Variants in MUC4 observed in about 807,000 individuals in gnomAD.
MUC4 encodes mucin 4, cell surface associated, also known as mucin-4.
MUC4 carries 202 observed loss-of-function variants against 257.9 expected under a neutral mutation model. The ratio of observed to expected loss-of-function variants is 0.78; its 90% CI spans 0.70 to 0.88. The LOEUF (loss-of-function observed/expected upper bound fraction) is 0.88. Among genes scored for constraint, MUC4 ranks in the 40% least tolerant of loss-of-function variants. The pLI is 0.00. For missense variants in MUC4, 5,976 were observed against 6,513.7 expected (o/e 0.92, Z 2.84); for synonymous variants, 2,351 against 2,757.1 (o/e 0.85, Z 4.62).
intron 16 of MUC4, 65 bp from the exon 17 acceptor site, chr3:195,759,326 T>C: frequency 6.3e-7 from 1 of 1,581,958 alleles, no homozygotes; most frequent in Non-Finnish European, 8.6e-7. Context: ...CAGCCTCCTC[T>C]CTTTCTCAAC....
At position 195,788,085 on chromosome 3, in the gene MUC4, C is replaced by G. The variant is rs201497377; in HGVS notation, c.3495G>C (p.Gln1165His). ...VTDASSASTG[Q>H]ATPLPVTSLS... The stretch of plus-strand genomic sequence containing the variant: ...GGCTGGTGACAGGAAGAGGGGTGGC[C>G]TGACCTGTGGATGCTGAGGAAGCAT... Residue 1165 changes from glutamine (Q) to histidine (H), a missense_variant, in exon 2 of 25, where the codon CAG (glutamine) becomes CAC (histidine). By Grantham distance (24) the Gln-to-His change is conservative (BLOSUM62 0). Transcript: ENST00000463781. The G allele has an allele frequency of 0.01, 10,611 of 1,055,112 alleles. 1,214 individuals are homozygous for G. The African/African-American group carries it at 0.15, about 15-fold the overall frequency. The allele number at this position is 1,055,112 out of a possible 1,614,324, so 65.4% of individuals were successfully genotyped here.
At position 195,790,340 on chromosome 3, in the gene MUC4, C is replaced by T. The variant is rs373792813; in HGVS notation, c.1240G>A (p.Val414Ile). 3.7e-6 allele frequency: 6 copies of T among 1,613,824 alleles called. No homozygotes were observed. In the African/African-American group the frequency reaches 6.7e-5, roughly 18 times the overall value. Reference protein sequence around the residue: ...LGNTEETSLSVSGTISAITSK... With the variant: ...LGNTEETSLSISGTISAITSK... ...GTGATTGCAGAAATGGTTCCACTTA[C>T]AGATAGTGATGTCTCCTCTGTGTTT... is the stretch of plus-strand genomic sequence containing the variant. Residue 414 changes from valine to isoleucine, a missense_variant, in exon 2 of 25, where the codon GTA becomes ATA. This residue lies in a region of MUC4 where 1,583 missense variants were observed against 1,257.4 expected (regional missense o/e 1.26). Transcript: ENST00000463781.
rs920082288 is a variant in MUC4 at position 195,754,432 on chromosome 3, T to A, written c.15169-60A>T. The stretch of plus-strand genomic sequence containing the variant: ...GACCAAACTGGGAAGGGCTTCTGGG[T>A]GTTTCTGACTGACCCCTTTGGCCTG... On this transcript the variant is annotated intron_variant, in intron 18 of 24. Transcript: ENST00000463781. 15 of 1,544,106 alleles carry A rather than the reference T, an allele frequency of 9.7e-6. No individual in the cohort carries two copies. In the African/African-American group the frequency reaches 2.0e-4, roughly 21 times the overall value.
chr3:195,794,190 C>T (rs563350563), intron 1 of MUC4, among the ~76,000 whole-genome samples: 2 of 151,836 alleles, frequency 1.3e-5, no homozygotes, highest in East Asian at 3.9e-4. Flanking sequence ...AAATATTTCA[C>T]AGCACCTGCA....
At chr3:195,806,900 G>A (rs1260747137) in intron 1 of MUC4, among the ~76,000 whole-genome samples, 4 of 152,192 alleles carry the variant, frequency 2.6e-5, no homozygotes, top group Non-Finnish European at 5.9e-5. Flanking sequence ...CCAAAGTCTA[G>A]GCTGTTTCTT....
In MUC4 at chr3:195,749,051, C is replaced by A; in HGVS notation, c.15885G>T (p.Thr5295=). 1 of 1,606,982 alleles carries A rather than the reference C, an allele frequency of 6.2e-7. No individual in the cohort carries two copies. Among genetic ancestry groups the A allele is most frequent in the Non-Finnish European group, 8.5e-7 (1 of 1,175,774 alleles). The part of the protein sequence containing the change: ...VRDVTALNVS[T]LKAYFRCDGY... ...CATCGCATCTGAAGTAAGCCTTCAGCGTGCTCACGTTCACTGTCGGGAAGG... is the reference window on the plus strand; with the variant it reads ...CATCGCATCTGAAGTAAGCCTTCAGAGTGCTCACGTTCACTGTCGGGAAGG... The change falls in exon 24 of 25, where the codon ACG becomes ACT. Residue 5295 remains threonine, a synonymous_variant. Transcript: ENST00000463781.
In MUC4 at chr3:195,746,952, G is replaced by C. The variant is rs553816935; in HGVS notation, c.*224C>G. ...AGTGTCCTTCTGTGGGTGTGTCTGCGTGAGGACCCATCCATGCATGTTTGA... is the reference window on the plus strand; with the variant it reads ...AGTGTCCTTCTGTGGGTGTGTCTGCCTGAGGACCCATCCATGCATGTTTGA... On this transcript the variant is annotated 3_prime_UTR_variant, in exon 25 of 25. Coordinates refer to ENST00000463781, the MANE Select transcript of MUC4 (RefSeq NM_018406.7). The C allele has an allele frequency of 9.2e-6, 6 of 651,966 alleles. No individual in the cohort carries two copies. The South Asian group carries it at 9.9e-5, about 11-fold the overall frequency. The allele number at this position is 651,966 out of a possible 1,614,324, so 40.4% of individuals were successfully genotyped here.
chr3:195,811,045 C>A (rs1309545170), intron 1 of MUC4, among the ~76,000 whole-genome samples: 1 of 152,080 alleles, frequency 6.6e-6, no homozygotes, highest in African/African-American at 2.4e-5. Flanking sequence ...CTCTTTCGAG[C>A]ATTCTCCCTC....
intron 4 of MUC4, among the ~76,000 whole-genome samples, chr3:195,772,993 C>A (rs1723413749): frequency 6.9e-6 from 1 of 145,330 alleles, no homozygotes; most frequent in Non-Finnish European, 1.5e-5. Flanking sequence ...CTCTCTCCAT[C>A]GCTCAGGGGT....
intron 8 of MUC4, among the ~76,000 whole-genome samples, chr3:195,765,829 C>T (rs527799436): frequency 5.9e-5 from 9 of 152,308 alleles, no homozygotes; most frequent in Non-Finnish European, 1.0e-4. Flanking sequence ...TCTTTCTACC[C>T]GCATGAAAGC....
chr3:195,751,158 G>A, intron 22 of MUC4, 46 bp from the exon 23 acceptor site: 1 of 1,516,962 alleles, frequency 6.6e-7, no homozygotes, highest in Non-Finnish European at 8.9e-7. Flanking sequence ...GCTGGGGGTG[G>A]GGGATGAGGA....
At chr3:195,773,878 G>A (rs903634186) in intron 4 of MUC4, among the ~76,000 whole-genome samples, 4 of 152,242 alleles carry the variant, frequency 2.6e-5, no homozygotes, top group Non-Finnish European at 4.4e-5. Flanking sequence ...GGACCAGGGG[G>A]CCAGAGACAA....
In MUC4 at chr3:195,757,290, G is replaced by A; in HGVS notation, c.15025C>T (p.Pro5009Ser). Residue 5009 changes from proline to serine, a missense_variant, in exon 18 of 25, where the codon CCA becomes TCA. By Grantham distance (74) the Pro-to-Ser change is moderately conservative (BLOSUM62 -1). This residue lies in a region of MUC4 where 996 missense variants were observed against 1,137.3 expected (regional missense o/e 0.88). Transcript: ENST00000463781. The surrounding 1 kb of genome is among the most constrained non-coding windows in gnomAD (Gnocchi z 4.8). ...TLLWTPKSLEPFTLEILARSA... is the reference protein window; with the variant it reads ...TLLWTPKSLESFTLEILARSA... The stretch of plus-strand genomic sequence containing the variant: ...CTTGCTAGAATCTCCAGAGTGAATG[G>A]CTCCAGCGACTTGGGTGTCCACAGC... 1.2e-6 allele frequency: 2 copies of A among 1,610,512 alleles called. No homozygotes were observed. The highest frequency in any genetic ancestry group is 8.5e-7 in the Non-Finnish European group (1 of 1,176,998).
In MUC4 at chr3:195,748,705, T is replaced by C. The variant is rs1296676429; in HGVS notation, c.16034+197A>G. ...TAGTTCTAAGCCCCCCTATGGCTCT[T>C]TTGGGTTTCAGAGTTTGTAATATAG... On this transcript the variant is annotated intron_variant, in intron 24 of 24. Transcript: ENST00000463781. Among the ~76,000 whole-genome samples the C allele has an allele frequency of 2.6e-5, 4 of 152,270 alleles. No homozygotes were observed. The South Asian group carries it at 6.2e-4, about 24-fold the overall frequency.
chr3:195,765,465 G>C lies in MUC4; in HGVS notation c.13619-16C>G, dbSNP rs375346565. 76 of 1,606,430 alleles carry C rather than the reference G, an allele frequency of 4.7e-5. No individual in the cohort carries two copies. In the Admixed American group the frequency reaches 6.0e-4, roughly 13 times the overall value. Reference sequence around the variant, plus strand: ...CCTTGGAGGCCTGAGGTCGGGGATGGGGGGGAAAGGGCTTATCCAGGGCTG... The same window carrying C: ...CCTTGGAGGCCTGAGGTCGGGGATGCGGGGGAAAGGGCTTATCCAGGGCTG... On this transcript the variant is annotated splice_polypyrimidine_tract_variant and intron_variant, in intron 8 of 24. Coordinates refer to ENST00000463781, the MANE Select transcript of MUC4 (RefSeq NM_018406.7).
At chr3:195,763,705 C>T (rs1178718340) in intron 11 of MUC4, 64 bp from the exon 12 acceptor site, 2 of 1,399,334 alleles carry the variant, frequency 1.4e-6, no homozygotes, top group Non-Finnish European at 1.9e-6. Flanking sequence ...AGGTTCCTCA[C>T]TGCAGTCAGG....
In MUC4 at chr3:195,790,998, A is replaced by G. The variant is rs559001783; in HGVS notation, c.582T>C (p.Ser194=). The change falls in exon 2 of 25, where the codon TCT becomes TCC. Residue 194 remains serine (S), a synonymous_variant. Coordinates refer to ENST00000463781, the MANE Select transcript of MUC4 (RefSeq NM_018406.7). ...TGCTCCGAGTCCAGTGGTTCTGAGA[A>G]GAAGCTGATGTGTCTTGGATAGAGG... The part of the protein sequence containing the change: ...WRTSIQDTSA[S]SQNHWTRSTQ... The G allele has an allele frequency of 3.8e-5, 62 of 1,613,028 alleles. No homozygotes were observed. The South Asian group carries it at 6.2e-4, about 16-fold the overall frequency.
chr3:195,767,753 A>T (rs1578073147), intron 7 of MUC4, among the ~76,000 whole-genome samples: 1 of 106,594 alleles, frequency 9.4e-6, no homozygotes, highest in Admixed American at 8.8e-5. Context: ...CATCGCCACC[A>T]CCACCATCAC....
chr3:195,808,294 C>A (rs1736242834), intron 1 of MUC4, among the ~76,000 whole-genome samples: 1 of 152,080 alleles, frequency 6.6e-6, no homozygotes, highest in Non-Finnish European at 1.5e-5. Flanking sequence ...CGGCTCCCTG[C>A]AACCTCTGCC....
Sources: gnomAD v4.1 joint callset for allele counts (sites outside exome capture counted in the v4.1 genomes callset) on GRCh38, gnomAD v4.1.1 for gene constraint, gnomAD v4.1.1 regional missense constraint, Gnocchi (gnomAD v3.1) non-coding constraint, MANE v1.5 for transcripts, NCBI Gene and HGNC (gene_info 2026-07-23, HGNC 2026-07-21) for gene names.